The following KIRREL3 variants were observed in gnomAD, a reference collection of about 807,000 sequenced individuals.
KIRREL3 encodes the protein kin of IRRE-like protein 3.
KIRREL3 carries 36 observed loss-of-function variants against 89.7 expected under a neutral mutation model. The ratio of observed to expected loss-of-function variants is 0.40; its 90% CI spans 0.31 to 0.53. The LOEUF is 0.53. Ranked by LOEUF, KIRREL3 falls within the 20% of genes least tolerant of loss-of-function variation. The pLI is 0.49. For synonymous variants in KIRREL3, 445 were observed against 441.4 expected, an observed-to-expected ratio of 1.01 and a Z score of -0.10; for missense variants, 864 against 1,056.6, an observed-to-expected ratio of 0.82 and a Z score of 2.53.
intron 1 of KIRREL3, among the ~76,000 whole-genome samples, chr11:126,799,456 G>GT (rs1950959091): frequency 8.8e-6 from 1 of 113,800 alleles, no homozygotes; most frequent in African/African-American, 3.2e-5. Context: ...ATGCATCTCT[G>GT]TGTGCATGTG....
Position 126,521,715 on chromosome 11 carries a change from T to C in KIRREL3, c.284-251A>G, listed in dbSNP as rs948433352. Reference sequence around the variant, plus strand: ...GTGTGTGTGTGTGTGTGTGTGTGTGTGTGTGTGTGTGTGTGTATAAGGGCA... The same window carrying C: ...GTGTGTGTGTGTGTGTGTGTGTGTGCGTGTGTGTGTGTGTGTATAAGGGCA... On this transcript the variant is annotated intron_variant, in intron 3 of 16. Coordinates refer to ENST00000525144, the MANE Select transcript of KIRREL3 (RefSeq NM_032531.4). This position sits in a 1 kb window ranked among gnomAD's most constrained non-coding sequence, Gnocchi z 4.1. Among the ~76,000 whole-genome samples the C allele has an allele frequency of 1.4e-4, 14 of 96,600 alleles. No homozygotes were observed. The highest frequency in any genetic ancestry group is 5.1e-4 in the African/African-American group (14 of 27,606). The allele number at this position is 96,600 out of a possible 152,430, so 63.4% of individuals were successfully genotyped here. A position where few individuals can be genotyped will look rare whatever the true frequency, so the allele number is the denominator to read the frequency against.
chr11:126,804,207 T>C (rs1328004986), intron 1 of KIRREL3, among the ~76,000 whole-genome samples: 2 of 152,202 alleles, frequency 1.3e-5, no homozygotes, highest in Non-Finnish European at 2.9e-5. Context: ...CTGTGACCAT[T>C]GAGGTCTTAA....
In KIRREL3 at chr11:126,689,426, G is replaced by A. The variant is rs1490423690; in HGVS notation, c.56-126514C>T. 1.3e-5 allele frequency among the ~76,000 whole-genome samples: 2 copies of A among 152,154 alleles called. No individual in the cohort carries two copies. The highest frequency in any genetic ancestry group is 1.9e-4 in the East Asian group (1 of 5,190). ...CTATCATTTAACAGCCCTGTCCAAA[G>A]TGCTTGCTGGAGATCACAGGGCTAG... On this transcript the variant is annotated intron_variant, in intron 1 of 16. Coordinates refer to ENST00000525144, the MANE Select transcript of KIRREL3 (RefSeq NM_032531.4). This position sits in a 1 kb window ranked among gnomAD's most constrained non-coding sequence, Gnocchi z 5.2.
At position 126,525,085 on chromosome 11, in the gene KIRREL3, C is replaced by T. The variant is rs1958707318; in HGVS notation, c.283+1453G>A. Among the ~76,000 whole-genome samples the T allele has an allele frequency of 6.6e-6, 1 of 152,112 alleles. No individual in the cohort carries two copies. The highest frequency in any genetic ancestry group is 6.6e-5 in the Admixed American group (1 of 15,264). On this transcript the variant is annotated intron_variant, in intron 3 of 16. Coordinates refer to ENST00000525144, the MANE Select transcript of KIRREL3 (RefSeq NM_032531.4). The surrounding 1 kb of genome is among the most constrained non-coding windows in gnomAD (Gnocchi z 5.4). ...CAGTCCTGGATCCCAGAAAGCCATT[C>T]ATGGCACTGGATGCTAGAGGGTCAG...
intron 1 of KIRREL3, among the ~76,000 whole-genome samples, chr11:126,858,737 C>T (rs145512251): frequency 1.3e-5 from 2 of 152,298 alleles, no homozygotes; most frequent in African/African-American, 4.8e-5. Context: ...CAGTTCTGTG[C>T]AGAGACAGCT....
intron 1 of KIRREL3, among the ~76,000 whole-genome samples, chr11:126,659,430 TG>T (rs1164724776): frequency 1.3e-5 from 2 of 152,202 alleles, no homozygotes; most frequent in East Asian, 1.9e-4. Context: ...CTGCGACTTG[TG>T]GGTTGCCCAT....
In KIRREL3 at chr11:126,744,262, A is replaced by G. The variant is rs1435053710; in HGVS notation, c.56-181350T>C. Among the ~76,000 whole-genome samples the G allele has an allele frequency of 6.6e-6, 1 of 151,906 alleles. No homozygotes were observed. The highest frequency in any genetic ancestry group is 1.5e-5 in the Non-Finnish European group (1 of 67,976). Reference sequence around the variant, plus strand: ...AACTTTTTTTTTTTTTATGGGTGGAAAGCCTTTGATAAGCATTTGTTGAAT... The same window carrying G: ...AACTTTTTTTTTTTTTATGGGTGGAGAGCCTTTGATAAGCATTTGTTGAAT... On this transcript the variant is annotated intron_variant, in intron 1 of 16. Coordinates refer to ENST00000525144, the MANE Select transcript of KIRREL3 (RefSeq NM_032531.4). The surrounding 1 kb of genome is among the most constrained non-coding windows in gnomAD (Gnocchi z 4.7).
In KIRREL3 at chr11:126,446,855, G is replaced by T. The variant is rs865805470; in HGVS notation, c.1029C>A (p.Ser343=). The T allele has an allele frequency of 2.5e-6, 4 of 1,604,288 alleles. No homozygotes were observed. Among genetic ancestry groups the T allele is most frequent in the Non-Finnish European group, 2.6e-6 (3 of 1,175,582 alleles). The change falls in exon 9 of 17, where the codon TCC becomes TCA. Residue 343 remains serine (S), a synonymous_variant. Transcript: ENST00000525144. Reference sequence around the variant, plus strand: ...CATCAGAGCCCAGATCCACGAGCAAGGATTGGGGTTCTGTGGTCATCCGGG... The same window carrying T: ...CATCAGAGCCCAGATCCACGAGCAATGATTGGGGTTCTGTGGTCATCCGGG... ...FGPRMTTEPQ[S]LLVDLGSDAI...
chr11:126,460,062 G>C (rs191751265), intron 6 of KIRREL3, among the ~76,000 whole-genome samples: 2 of 152,046 alleles, frequency 1.3e-5, no homozygotes, highest in African/African-American at 4.8e-5. Context: ...GTAAACAGTT[G>C]GATGCTGACT....
At chr11:126,907,302 G>A (rs532395587) in intron 1 of KIRREL3, among the ~76,000 whole-genome samples, 1 of 152,276 alleles carries the variant, frequency 6.6e-6, no homozygotes, top group African/African-American at 2.4e-5. Flanking sequence ...GGAGGGGTCT[G>A]CATTTTATCA....
chr11:126,466,348 A>C, intron 5 of KIRREL3, among the ~76,000 whole-genome samples: 1 of 152,196 alleles, frequency 6.6e-6, no homozygotes, highest in African/African-American at 2.4e-5. Flanking sequence ...AGGTCCCAGC[A>C]CCTCCTGGGC....
At position 126,879,834 on chromosome 11, in the gene KIRREL3, G is replaced by A. The variant is rs77685381; in HGVS notation, c.55+120621C>T. Among the ~76,000 whole-genome samples, 2 of 152,312 alleles carry A rather than the reference G, an allele frequency of 1.3e-5. No homozygotes were observed. Among genetic ancestry groups the A allele is most frequent in the Non-Finnish European group, 2.9e-5 (2 of 68,036 alleles). The stretch of plus-strand genomic sequence containing the variant: ...TGACCCTGAACCTTCTGTCTCCAGA[G>A]ACAAACAACATCATGCCCCTCACTG... On this transcript the variant is annotated intron_variant, in intron 1 of 16. Coordinates refer to ENST00000525144, the MANE Select transcript of KIRREL3 (RefSeq NM_032531.4). The surrounding 1 kb of genome is among the most constrained non-coding windows in gnomAD (Gnocchi z 5.4).
chr11:126,698,928 C>A (rs953787442), intron 1 of KIRREL3, among the ~76,000 whole-genome samples: 6 of 152,208 alleles, frequency 3.9e-5, no homozygotes, highest in Admixed American at 3.3e-4. Flanking sequence ...GCTCCACGGG[C>A]AGGAGCTGCG....
chr11:126,882,647 C>G (rs142749431), intron 1 of KIRREL3, among the ~76,000 whole-genome samples: 1 of 152,312 alleles, frequency 6.6e-6, no homozygotes, highest in East Asian at 1.9e-4. Context: ...TCTGGTGCTG[C>G]CAACAAATGT....
rs1418814430 is a variant in KIRREL3, at chr11:126,495,462, C to T, written c.434-21996G>A. Among the ~76,000 whole-genome samples the T allele has an allele frequency of 6.6e-6, 1 of 152,176 alleles. No homozygotes were observed. The highest frequency in any genetic ancestry group is 1.5e-5 in the Non-Finnish European group (1 of 68,030). Reference sequence around the variant, plus strand: ...GCCTCCCTCGACTGTCTGTGTTCCTCGTCTCCGCTCATCCTTGCTGGCCGG... The same window carrying T: ...GCCTCCCTCGACTGTCTGTGTTCCTTGTCTCCGCTCATCCTTGCTGGCCGG... On this transcript the variant is annotated intron_variant, in intron 4 of 16. Transcript: ENST00000525144. The surrounding 1 kb of genome is among the most constrained non-coding windows in gnomAD (Gnocchi z 6.5).
In KIRREL3 at chr11:126,778,557, T is replaced by C. The variant is rs2134320893; in HGVS notation, c.56-215645A>G. Among the ~76,000 whole-genome samples, 1 of 152,368 alleles carries C rather than the reference T, an allele frequency of 6.6e-6. No individual in the cohort carries two copies. Among genetic ancestry groups the C allele is most frequent in the East Asian group, 1.9e-4 (1 of 5,192 alleles). On this transcript the variant is annotated intron_variant, in intron 1 of 16. Transcript: ENST00000525144. The surrounding 1 kb of genome is among the most constrained non-coding windows in gnomAD (Gnocchi z 4.5). ...AACAACAATGCTGCGGTAAATACCC[T>C]TTTACTGAAATCTTTGCACACATCC...
chr11:126,536,170 T>C (rs1184016410), intron 2 of KIRREL3, among the ~76,000 whole-genome samples: 1 of 152,202 alleles, frequency 6.6e-6, no homozygotes, highest in Non-Finnish European at 1.5e-5. Flanking sequence ...TTGGAAAGCA[T>C]AGGCCCTGGC....
rs1376949340 is a variant in KIRREL3, at chr11:126,924,071, T to C, written c.55+76384A>G. ...CTTTTAAAAATCTTACTTCTAAATA[T>C]TGTTCATCTCTCTATTCCCAGTACT... On this transcript the variant is annotated intron_variant, in intron 1 of 16. Coordinates refer to ENST00000525144, the MANE Select transcript of KIRREL3 (RefSeq NM_032531.4). This position sits in a 1 kb window ranked among gnomAD's most constrained non-coding sequence, Gnocchi z 4.7. 6.6e-6 allele frequency among the ~76,000 whole-genome samples: 1 copy of C among 152,220 alleles called. No individual in the cohort carries two copies. Among genetic ancestry groups the C allele is most frequent in the Non-Finnish European group, 1.5e-5 (1 of 68,038 alleles).
intron 4 of KIRREL3, among the ~76,000 whole-genome samples, chr11:126,514,891 T>C (rs1958359378): frequency 6.6e-6 from 1 of 151,818 alleles, no homozygotes; most frequent in Non-Finnish European, 1.5e-5. Flanking sequence ...CATCCGTGTT[T>C]GGGGCTTACT....
Sources: allele counts gnomAD v4.1 joint callset (sites outside exome capture counted in the v4.1 genomes callset), GRCh38; gene constraint gnomAD v4.1.1; non-coding constraint Gnocchi (gnomAD v3.1); transcripts MANE v1.5; gene names NCBI Gene and HGNC (gene_info 2026-07-23, HGNC 2026-07-21).